ANKS1B: variants seen among roughly 807,000 people sequenced by gnomAD.
ANKS1B encodes ankyrin repeat and sterile alpha motif domain containing 1B.
Under a neutral mutation model 148.3 loss-of-function variants are expected in ANKS1B, and 36 were observed. That is an observed-to-expected ratio of 0.24 (90% confidence interval 0.19 to 0.32). The LOEUF is 0.32. Among genes scored for constraint, ANKS1B ranks in the 10% least tolerant of loss-of-function variants. The probability of loss-of-function intolerance (pLI) is 1.00; values close to 1 mark genes in which losing one functional copy is unlikely to be tolerated. For synonymous variants in ANKS1B, 542 were observed against 560.8 expected (o/e 0.97, Z 0.47); for missense variants, 1,157 against 1,542.6 (o/e 0.75, Z 4.19).
chr12:99,692,557 G>A (rs2053256132), intron 8 of ANKS1B, among the ~76,000 whole-genome samples: 2 of 151,668 alleles, frequency 1.3e-5, no homozygotes, highest in South Asian at 2.1e-4. Flanking sequence ...TGTGGTCCCA[G>A]CTACTCTGGA....
chr12:99,133,288 G>T (rs1461249341), intron 15 of ANKS1B, among the ~76,000 whole-genome samples: 3 of 151,850 alleles, frequency 2.0e-5, no homozygotes, highest in Admixed American at 2.0e-4. Context: ...CCTGACCTCA[G>T]GTGATCCACC....
intron 17 of ANKS1B, among the ~76,000 whole-genome samples, chr12:99,005,562 T>A (rs561366719): frequency 6.6e-6 from 1 of 152,246 alleles, no homozygotes; most frequent in Non-Finnish European, 1.5e-5. Flanking sequence ...CAGATCTAGC[T>A]ATTTTCTTCC....
chr12:99,458,468 GA>G (rs1211265973), intron 10 of ANKS1B, among the ~76,000 whole-genome samples: 1 of 146,824 alleles, frequency 6.8e-6, no homozygotes, highest in Non-Finnish European at 1.5e-5. Flanking sequence ...AAGATAAACA[GA>G]AAGCTGGTTC....
chr12:99,339,734 A>G (rs1021887160), intron 12 of ANKS1B, among the ~76,000 whole-genome samples: 4 of 151,994 alleles, frequency 2.6e-5, no homozygotes, highest in Non-Finnish European at 4.4e-5. Flanking sequence ...GTATTTTTGA[A>G]TTCTGGTTTT....
chr12:99,574,259 G>A (rs2097493155), intron 9 of ANKS1B, among the ~76,000 whole-genome samples: 1 of 152,166 alleles, frequency 6.6e-6, no homozygotes. Flanking sequence ...GTTCCCGAGA[G>A]CACTTCCCAA....
chr12:99,360,107 C>T (rs190463532), intron 12 of ANKS1B, among the ~76,000 whole-genome samples: 8 of 152,272 alleles, frequency 5.3e-5, no homozygotes, highest in Admixed American at 3.9e-4. Flanking sequence ...CTCTTTTTCA[C>T]TTCTCAGAGA....
chr12:99,898,191 TA>T (rs1468419951), intron 1 of ANKS1B, among the ~76,000 whole-genome samples: 1 of 152,208 alleles, frequency 6.6e-6, no homozygotes, highest in Non-Finnish European at 1.5e-5. Flanking sequence ...CCCCGATTTT[TA>T]AAATCTAGAA....
At chr12:99,296,696 T>G (rs975004246) in intron 12 of ANKS1B, among the ~76,000 whole-genome samples, 1 of 152,158 alleles carries the variant, frequency 6.6e-6, no homozygotes, top group African/African-American at 2.4e-5. Context: ...AACTAGAATG[T>G]GAGAAAAGAG....
intron 20 of ANKS1B, among the ~76,000 whole-genome samples, chr12:98,805,386 A>T (rs2099043054): frequency 2.0e-5 from 3 of 152,010 alleles, no homozygotes; most frequent in Admixed American, 2.0e-4. Context: ...CTTCAAACTC[A>T]AATAAAAACT....
chr12:99,325,064 G>T (rs1405906241), intron 12 of ANKS1B, among the ~76,000 whole-genome samples: 2 of 152,112 alleles, frequency 1.3e-5, no homozygotes, highest in African/African-American at 4.8e-5. Flanking sequence ...TTCAGTCAAT[G>T]ATGGACTGTA....
In ANKS1B at chr12:99,655,122, T is replaced by C; in HGVS notation, c.1217A>G (p.Glu406Gly). The change falls in exon 9 of 27, where the codon GAA becomes GGA. Residue 406 changes from glutamate to glycine, a missense_variant. By Grantham distance (98) the Glu-to-Gly change is moderately conservative. Around this residue, in one of 6 missense-constraint regions of ANKS1B, gnomAD observed 661 missense variants for 642.1 expected, o/e 1.03. Coordinates refer to ENST00000683438, the MANE Select transcript of ANKS1B (RefSeq NM_001352186.2). ...ACATCCATTACACGGAGTTAATGCTTCCCAAAGTCCTGATGGCCCACACGT... is the reference window on the plus strand; with the variant it reads ...ACATCCATTACACGGAGTTAATGCTCCCCAAAGTCCTGATGGCCCACACGT... ...ENTCGPSGLW[E>G]ALTPCNGCRN... 1.4e-5 allele frequency: 23 copies of C among 1,612,748 alleles called. No individual in the cohort carries two copies. Among genetic ancestry groups the C allele is most frequent in the Non-Finnish European group, 2.0e-5 (23 of 1,179,122 alleles).
chr12:99,607,581 C>T (rs1441204667), intron 9 of ANKS1B, among the ~76,000 whole-genome samples: 1 of 152,056 alleles, frequency 6.6e-6, no homozygotes, highest in African/African-American at 2.4e-5. Context: ...ACAGCTTTAA[C>T]TTTAAGCCAC....
At chr12:99,436,008 A>G (rs892168559) in intron 11 of ANKS1B, among the ~76,000 whole-genome samples, 19 of 151,468 alleles carry the variant, frequency 1.3e-4, no homozygotes, top group Non-Finnish European at 4.4e-5. Flanking sequence ...GTTTTACTTA[A>G]TATTATTTTC....
chr12:98,751,613 G>C lies in ANKS1B; in HGVS notation c.3580-91C>G. ...AGGAACACTGAGGGAGGTGAACTAGGGAGGAACTTGAACTACTTCACCAGA... is the reference window on the plus strand; with the variant it reads ...AGGAACACTGAGGGAGGTGAACTAGCGAGGAACTTGAACTACTTCACCAGA... On this transcript the variant is annotated intron_variant, in intron 25 of 26. Transcript: ENST00000683438. This position sits in a 1 kb window ranked among gnomAD's most constrained non-coding sequence, Gnocchi z 4.3. The C allele has an allele frequency of 7.9e-7, 1 of 1,271,304 alleles. No homozygotes were observed. Among genetic ancestry groups the C allele is most frequent in the Non-Finnish European group, 1.1e-6 (1 of 894,400 alleles). The allele number at this position is 1,271,304 out of a possible 1,614,324, so 78.8% of individuals were successfully genotyped here. A position where few individuals can be genotyped will look rare whatever the true frequency, so the allele number is the denominator to read the frequency against.
At chr12:99,374,078 A>C (rs1473716337) in intron 12 of ANKS1B, among the ~76,000 whole-genome samples, 2 of 152,194 alleles carry the variant, frequency 1.3e-5, no homozygotes, top group African/African-American at 4.8e-5. Flanking sequence ...GATCTAGCTT[A>C]GGTTGTTTTA....
At chr12:99,295,522 G>GT (rs896576526) in intron 12 of ANKS1B, among the ~76,000 whole-genome samples, 1 of 152,178 alleles carries the variant, frequency 6.6e-6, no homozygotes, top group African/African-American at 2.4e-5. Flanking sequence ...TCTTTGCAAT[G>GT]TTTTTCAGAA....
chr12:98,891,155 T>G lies in ANKS1B; in HGVS notation c.2779-59019A>C, dbSNP rs190805986. Among the ~76,000 whole-genome samples, 30 of 152,330 alleles carry G rather than the reference T, an allele frequency of 2.0e-4. No homozygotes were observed. The Middle Eastern group carries it at 0.014, about 69-fold the overall frequency. On this transcript the variant is annotated intron_variant, in intron 17 of 26. Transcript: ENST00000683438. ...AAAAACAAACACACTATAAAGAATT[T>G]AGTAACAGAGAAGATTAGAACTTGC...
chr12:98,893,165 C>A (rs2099756245), intron 17 of ANKS1B, among the ~76,000 whole-genome samples: 1 of 152,184 alleles, frequency 6.6e-6, no homozygotes, highest in African/African-American at 2.4e-5. Flanking sequence ...ATTCGTTACT[C>A]CTTTCTTCTC....
chr12:99,430,146 C>A (rs2095343771), intron 11 of ANKS1B, among the ~76,000 whole-genome samples: 1 of 151,180 alleles, frequency 6.6e-6, no homozygotes, highest in African/African-American at 2.4e-5. Flanking sequence ...AAATAATAAT[C>A]ATTTTAAAAT....
Sources: allele counts gnomAD v4.1 joint callset (sites outside exome capture counted in the v4.1 genomes callset), GRCh38; gene constraint gnomAD v4.1.1; regional missense constraint gnomAD v4.1.1; non-coding constraint Gnocchi (gnomAD v3.1); transcripts MANE v1.5; gene names NCBI Gene and HGNC (gene_info 2026-07-23, HGNC 2026-07-21).